The following ZNF337 variants were observed in gnomAD, a reference collection of about 807,000 sequenced individuals.
ZNF337 encodes zinc finger protein 337.
A neutral mutation model predicts 12.1 loss-of-function variants in ZNF337; 8 were observed. That is an observed-to-expected ratio of 0.66 (90% CI 0.39 to 1.19). The LOEUF is 1.19. Among genes scored for constraint, ZNF337 ranks in the 50% most tolerant of loss-of-function variants. The probability of loss-of-function intolerance (pLI) is 0.01; values close to 1 mark genes in which losing one functional copy is unlikely to be tolerated. For synonymous variants in ZNF337, 336 were observed against 320.0 expected, an observed-to-expected ratio of 1.05 and a Z score of -0.53; for missense variants, 882 against 896.6, an observed-to-expected ratio of 0.98 and a Z score of 0.21.
At position 25,676,541 on chromosome 20, in the gene ZNF337, G is replaced by A; in HGVS notation, c.747C>T (p.Ala249=). 1 of 1,612,576 alleles carries A rather than the reference G, an allele frequency of 6.2e-7. No individual in the cohort carries two copies. ...GTGTCCTCTGGTGTCTGAGGAGGTTGGCCTTGAGGCTGAAGCCTCGCCCAC... is the reference window on the plus strand; with the variant it reads ...GTGTCCTCTGGTGTCTGAGGAGGTTAGCCTTGAGGCTGAAGCCTCGCCCAC... ...SVCGRGFSLK[A]NLLRHQRTHS... is the part of the protein sequence containing the mutation. Residue 249 remains alanine, a synonymous_variant, in exon 5 of 5, where the codon GCC becomes GCT. Transcript: ENST00000252979.
In ZNF337 at chr20:25,676,845, C is replaced by T; in HGVS notation, c.443G>A (p.Ser148Asn). Residue 148 changes from serine (S) to asparagine (N), a missense_variant, in exon 5 of 5, where the codon AGT becomes AAT. Physicochemically the swap from Ser to Asn is conservative, Grantham distance 46. Transcript: ENST00000252979. ...RHAVSSRRRN[S>N]VVEIESSQGQ... ...TTGACTAGACTCTATTTCCACTACA[C>T]TGTTCCTCCTCCTTGAGCTTACTGC... 2 of 1,614,188 alleles carry T rather than the reference C, an allele frequency of 1.2e-6. No individual in the cohort carries two copies. The highest frequency in any genetic ancestry group is 1.7e-6 in the Non-Finnish European group (2 of 1,180,040).
chr20:25,680,305 T>C (rs1046454875), intron 4 of ZNF337, among the ~76,000 whole-genome samples: 5 of 152,196 alleles, frequency 3.3e-5, no homozygotes, highest in Non-Finnish European at 7.3e-5. Flanking sequence ...TTTGAGGTTA[T>C]GGATCCTGAT....
At chr20:25,681,951 G>C (rs564829760) in intron 4 of ZNF337, among the ~76,000 whole-genome samples, 2 of 152,178 alleles carry the variant, frequency 1.3e-5, no homozygotes, top group Admixed American at 1.3e-4. Flanking sequence ...GTAAGTAAGC[G>C]ATAAAGAATA....
intron 1 of ZNF337, among the ~76,000 whole-genome samples, chr20:25,690,460 C>T (rs1306872236): frequency 6.6e-6 from 1 of 152,190 alleles, no homozygotes; most frequent in Non-Finnish European, 1.5e-5. Context: ...AAAGCAGCAT[C>T]TCAGTTTCCA....
At chr20:25,683,185 A>G (rs2065787674) in intron 4 of ZNF337, among the ~76,000 whole-genome samples, 1 of 152,160 alleles carries the variant, frequency 6.6e-6, no homozygotes, top group African/African-American at 2.4e-5. Flanking sequence ...CTAACTGTGA[A>G]CTAAAACTGC....
intron 4 of ZNF337, among the ~76,000 whole-genome samples, chr20:25,682,069 C>T (rs2065775343): frequency 6.6e-6 from 1 of 151,896 alleles, no homozygotes. Flanking sequence ...TCAACATTTG[C>T]TTCACAAAAA....
At position 25,688,840 on chromosome 20, in the gene ZNF337, G is replaced by A. The variant is rs113027962; in HGVS notation, c.-49-2374C>T. On this transcript the variant is annotated intron_variant, in intron 1 of 4. Coordinates refer to ENST00000252979, the MANE Select transcript of ZNF337 (RefSeq NM_015655.4). ...CTACAGATAGGTTAAGTAAGGGTAAGTATCTCTGCCGGGCGCGGTGGCTCA... is the reference window on the plus strand; with the variant it reads ...CTACAGATAGGTTAAGTAAGGGTAAATATCTCTGCCGGGCGCGGTGGCTCA... Among the ~76,000 whole-genome samples the A allele has an allele frequency of 8.3e-4, 127 of 152,212 alleles. 2 individuals carry two copies. In the South Asian group the frequency reaches 9.5e-3, roughly 11 times the overall value.
chr20:25,695,892 C>T (rs1396979001), intron 1 of ZNF337, among the ~76,000 whole-genome samples: 2 of 152,176 alleles, frequency 1.3e-5, no homozygotes, highest in Non-Finnish European at 2.9e-5. Flanking sequence ...GCAAGCCTGA[C>T]CATCTCGGGC....
At chr20:25,685,729 C>A in intron 3 of ZNF337, 67 bp from the exon 4 acceptor site, 1 of 1,418,884 alleles carries the variant, frequency 7.0e-7, no homozygotes, top group Middle Eastern at 1.8e-4. Flanking sequence ...TTTGCTGGAG[C>A]CACCCAGGGC....
At chr20:25,687,112 A>C (rs1243845816) in intron 1 of ZNF337, among the ~76,000 whole-genome samples, 1 of 152,236 alleles carries the variant, frequency 6.6e-6, no homozygotes, top group Non-Finnish European at 1.5e-5. Context: ...ATCAAACATT[A>C]ATTTTGTTGT....
chr20:25,685,776 AG>A (rs2065825351), intron 3 of ZNF337, 114 bp from the exon 4 acceptor site: 1 of 1,186,532 alleles, frequency 8.4e-7, no homozygotes. Context: ...AAGGCTCAGG[AG>A]GACCCTGTCT....
intron 4 of ZNF337, among the ~76,000 whole-genome samples, chr20:25,684,260 G>A (rs1464863240): frequency 2.7e-5 from 4 of 150,352 alleles, no homozygotes; most frequent in Non-Finnish European, 5.9e-5. Context: ...GCTAAATGAC[G>A]AGTTAATGGG....
Position 25,675,786 on chromosome 20 carries a change from G to A in ZNF337, c.1502C>T (p.Ser501Phe). ...TGCCCTCAGGTGCTTGTTATAGGAGGACTTATCCCGAAACCTTCGCCCACA... is the reference window on the plus strand; with the variant it reads ...TGCCCTCAGGTGCTTGTTATAGGAGAACTTATCCCGAAACCTTCGCCCACA... ...RECGRRFRDK[S>F]SYNKHLRAHL... The change falls in exon 5 of 5, where the codon TCC becomes TTC. Residue 501 changes from serine to phenylalanine, a missense_variant. Coordinates refer to ENST00000252979, the MANE Select transcript of ZNF337 (RefSeq NM_015655.4). 1 of 1,613,694 alleles carries A rather than the reference G, an allele frequency of 6.2e-7. No individual in the cohort carries two copies. The highest frequency in any genetic ancestry group is 8.5e-7 in the Non-Finnish European group (1 of 1,179,924).
chr20:25,679,126 G>A (rs954470563), intron 4 of ZNF337, among the ~76,000 whole-genome samples: 12 of 152,148 alleles, frequency 7.9e-5, no homozygotes, highest in Non-Finnish European at 1.8e-4. Context: ...GAGTAAGAAT[G>A]AAGTTAGATG....
chr20:25,676,160 A>G lies in ZNF337; in HGVS notation c.1128T>C (p.Phe376=), dbSNP rs192769950. The G allele has an allele frequency of 1.2e-6, 2 of 1,611,456 alleles. No individual in the cohort carries two copies. The highest frequency in any genetic ancestry group is 2.7e-5 in the African/African-American group (2 of 74,548). Residue 376 remains phenylalanine (F), a synonymous_variant, in exon 5 of 5, where the codon TTT becomes TTC. Transcript: ENST00000252979. ...HQRTHSGEKP[F]ACRQCKQSFS... is the part of the protein sequence containing the mutation. ...AACTTTGCTTACACTGCCTGCACGCAAAGGGCTTCTCCCCTGAGTGTGTCC... is the reference window on the plus strand; with the variant it reads ...AACTTTGCTTACACTGCCTGCACGCGAAGGGCTTCTCCCCTGAGTGTGTCC...
Position 25,675,773 on chromosome 20 carries a change from C to T in ZNF337, c.1515G>A (p.Lys505=). 1.2e-6 allele frequency: 2 copies of T among 1,613,814 alleles called. No homozygotes were observed. The highest frequency in any genetic ancestry group is 1.3e-5 in the African/African-American group (1 of 74,918). Residue 505 remains lysine (K), a synonymous_variant, in exon 5 of 5, where the codon AAG becomes AAA. Transcript: ENST00000252979. ...RRFRDKSSYN[K]HLRAHLGEKR... is the part of the protein sequence containing the mutation. ...TCTCACCCAAGTGTGCCCTCAGGTG[C>T]TTGTTATAGGAGGACTTATCCCGAA...
Position 25,675,271 on chromosome 20 carries a change from T to C in ZNF337, c.2017A>G (p.Arg673Gly), listed in dbSNP as rs760179219. 6 of 1,614,208 alleles carry C rather than the reference T, an allele frequency of 3.7e-6. No individual in the cohort carries two copies. The highest frequency in any genetic ancestry group is 5.1e-6 in the Non-Finnish European group (6 of 1,180,048). ...TTTGAGTGTATCCGCCAGTGGTGTC[T>C]GGTGAGACTTCTCTTCCAGCTGAAG... ...QGFSWKRSLT[R>G]HHWRIHSKEK... The change falls in exon 5 of 5, where the codon AGA (arginine) becomes GGA (glycine). Residue 673 changes from arginine (R) to glycine (G), a missense_variant. Transcript: ENST00000252979.
At chr20:25,683,054 A>T (rs993749550) in intron 4 of ZNF337, among the ~76,000 whole-genome samples, 1 of 152,170 alleles carries the variant, frequency 6.6e-6, no homozygotes, top group Non-Finnish European at 1.5e-5. Context: ...AGAAAACTAA[A>T]TTTATCATTG....
intron 1 of ZNF337, among the ~76,000 whole-genome samples, chr20:25,689,546 T>G (rs973407383): frequency 6.6e-6 from 1 of 152,092 alleles, no homozygotes; most frequent in Non-Finnish European, 1.5e-5. Context: ...ATAAGTGACC[T>G]GTGTATACTT....
Sources: allele counts gnomAD v4.1 joint callset (sites outside exome capture counted in the v4.1 genomes callset), GRCh38; gene constraint gnomAD v4.1.1; transcripts MANE v1.5; gene names NCBI Gene and HGNC (gene_info 2026-07-23, HGNC 2026-07-21).